PACSIN2: variants seen among roughly 807,000 people sequenced by gnomAD.
PACSIN2 encodes the protein protein kinase C and casein kinase substrate in neurons protein 2.
In PACSIN2, 25 loss-of-function variants were observed where a neutral mutation model predicts 63.8. The ratio of observed to expected loss-of-function variants is 0.39; its 90% CI spans 0.29 to 0.55. PACSIN2 has a LOEUF of 0.55. Ranked by LOEUF, PACSIN2 falls within the 20% of genes least tolerant of loss-of-function variation. The pLI, the probability that PACSIN2 is intolerant of heterozygous loss-of-function variation, is 0.62. For synonymous variants in PACSIN2, 255 were observed against 256.2 expected (o/e 1.00, Z 0.05); for missense variants, 518 against 646.9 (o/e 0.80, Z 2.16).
chr22:42,927,690 C>T (rs941914880), intron 1 of PACSIN2, among the ~76,000 whole-genome samples: 3 of 152,070 alleles, frequency 2.0e-5, no homozygotes, highest in Non-Finnish European at 2.9e-5. Context: ...CAGGTTCAAG[C>T]GATTCTCCTG....
At chr22:42,882,330 T>TTTAGAA (rs1929142098) in intron 6 of PACSIN2, 26 bp from the exon 7 acceptor site, 1 of 1,592,200 alleles carries the variant, frequency 6.3e-7, no homozygotes, top group Admixed American at 1.7e-5. Context: ...ACGTGGCTCT[T>TTTAGAA]TTAGAAGGCA....
At chr22:42,999,679 A>T (rs1390570865) in intron 1 of PACSIN2, among the ~76,000 whole-genome samples, 3 of 152,164 alleles carry the variant, frequency 2.0e-5, no homozygotes, top group African/African-American at 7.2e-5. Context: ...AAAAAAAAAA[A>T]TGCTGTCTAC....
chr22:42,913,343 G>A (rs1931585551), intron 1 of PACSIN2, among the ~76,000 whole-genome samples: 1 of 152,146 alleles, frequency 6.6e-6, no homozygotes, highest in African/African-American at 2.4e-5. Context: ...GCCAAGCGTG[G>A]TGGCATGTGC....
intron 1 of PACSIN2, among the ~76,000 whole-genome samples, chr22:42,965,740 C>G (rs919145900): frequency 2.6e-4 from 39 of 152,108 alleles, no homozygotes; most frequent in Non-Finnish European, 2.1e-4. Context: ...CCACTAGCAC[C>G]GCGATGAAAG....
chr22:43,003,143 T>C (rs1202706961), intron 1 of PACSIN2, among the ~76,000 whole-genome samples: 1 of 152,220 alleles, frequency 6.6e-6, no homozygotes, highest in South Asian at 2.1e-4. Context: ...TGGCAGGGAA[T>C]AGGTTACTTG....
At chr22:42,944,145 G>A (rs1393525038) in intron 1 of PACSIN2, among the ~76,000 whole-genome samples, 3 of 152,206 alleles carry the variant, frequency 2.0e-5, no homozygotes, top group South Asian at 4.1e-4. Context: ...CACTGAGCAG[G>A]CCTCGAGTGG....
rs767668871 is a variant in PACSIN2, at chr22:42,888,737, C to T, written c.515G>A (p.Arg172Gln). The T allele has an allele frequency of 1.9e-6, 3 of 1,613,994 alleles. No individual in the cohort carries two copies. Among genetic ancestry groups the T allele is most frequent in the East Asian group, 2.2e-5 (1 of 44,886 alleles). ...TGGGTCTGCCTTGCTGTTGGCTTCTCGTGAGATAGCCAGCTTCTCCTCTTT... is the reference window on the plus strand; with the variant it reads ...TGGGTCTGCCTTGCTGTTGGCTTCTTGTGAGATAGCCAGCTTCTCCTCTTT... ...ACKEEKLAIS[R>Q]EANSKADPSL... Residue 172 changes from arginine (R) to glutamine (Q), a missense_variant, in exon 5 of 11, where the codon CGA becomes CAA. Around this residue, in one of 2 missense-constraint regions of PACSIN2, gnomAD observed 507 missense variants for 612.3 expected, o/e 0.83. Coordinates refer to ENST00000263246, the MANE Select transcript of PACSIN2 (RefSeq NM_001184970.3).
At chr22:42,887,456 G>T (rs1359644660) in intron 5 of PACSIN2, among the ~76,000 whole-genome samples, 1 of 152,224 alleles carries the variant, frequency 6.6e-6, no homozygotes, top group African/African-American at 2.4e-5. Context: ...GGAAAGGCTG[G>T]TGGGTAGTGA....
At chr22:42,960,584 T>C (rs943251560) in intron 1 of PACSIN2, among the ~76,000 whole-genome samples, 14 of 152,052 alleles carry the variant, frequency 9.2e-5, no homozygotes, top group African/African-American at 2.7e-4. Context: ...AAGCTTTAGG[T>C]GAGGAGAGAA....
chr22:42,938,783 C>T (rs1933020692), intron 1 of PACSIN2, among the ~76,000 whole-genome samples: 2 of 152,146 alleles, frequency 1.3e-5, no homozygotes, highest in Non-Finnish European at 2.9e-5. Context: ...AAAGCAAGTG[C>T]TCAAGTAACA....
chr22:42,886,234 C>G (rs1157292660), intron 5 of PACSIN2, among the ~76,000 whole-genome samples: 15 of 152,238 alleles, frequency 9.9e-5, no homozygotes. Flanking sequence ...CCTTGCAGGG[C>G]ATAGAAAGTT....
intron 1 of PACSIN2, among the ~76,000 whole-genome samples, chr22:42,951,211 G>T (rs1933675712): frequency 6.6e-6 from 1 of 152,106 alleles, no homozygotes. Flanking sequence ...TTCTGGTAAA[G>T]GAATCCACGA....
At chr22:42,932,454 G>T (rs984416940) in intron 1 of PACSIN2, among the ~76,000 whole-genome samples, 1 of 152,118 alleles carries the variant, frequency 6.6e-6, no homozygotes, top group African/African-American at 2.4e-5. Flanking sequence ...TTCCAGAAGC[G>T]TATCTCACAT....
chr22:42,890,898 G>A (rs145653318), intron 4 of PACSIN2, 49 bp downstream of exon 4: 2,405 of 1,468,886 alleles, frequency 1.6e-3, no homozygotes, highest in Non-Finnish European at 2.1e-3. Context: ...TGCTAGTGGG[G>A]TGCCAGGCAG....
intron 1 of PACSIN2, among the ~76,000 whole-genome samples, chr22:42,950,161 C>T (rs538415700): frequency 4.9e-4 from 74 of 151,984 alleles, no homozygotes; most frequent in Admixed American, 1.3e-3. Flanking sequence ...CTAAACAATA[C>T]GGTATAACTA....
rs144996422 is a variant in PACSIN2 at position 42,991,163 on chromosome 22, G to A, written c.-78+23858C>T. Among the ~76,000 whole-genome samples the A allele has an allele frequency of 3.1e-3, 465 of 152,322 alleles. 2 individuals are homozygous for A. The highest frequency in any genetic ancestry group is 0.011 in the African/African-American group (458 of 41,570). On this transcript the variant is annotated intron_variant, in intron 1 of 10. Coordinates refer to ENST00000263246, the MANE Select transcript of PACSIN2 (RefSeq NM_001184970.3). The stretch of plus-strand genomic sequence containing the variant: ...TGGAGACTTTACCACCTCCTAGGAA[G>A]CTGCTGTACAATGGTATAGACTTGG...
intron 7 of PACSIN2, among the ~76,000 whole-genome samples, chr22:42,879,420 T>C (rs1928907235): frequency 6.6e-6 from 1 of 152,172 alleles, no homozygotes; most frequent in South Asian, 2.1e-4. Flanking sequence ...GGCTTGCACC[T>C]CTACAACCAC....
chr22:42,888,460 G>C (rs1802209379), intron 5 of PACSIN2, among the ~76,000 whole-genome samples, 183 bp downstream of exon 5: 1 of 152,188 alleles, frequency 6.6e-6, no homozygotes, highest in Non-Finnish European at 1.5e-5. Flanking sequence ...AGGTACAGTG[G>C]CTATGGTGAG....
chr22:42,907,392 C>A (rs546967009), intron 2 of PACSIN2, among the ~76,000 whole-genome samples: 2 of 152,338 alleles, frequency 1.3e-5, no homozygotes, highest in Admixed American at 1.3e-4. Context: ...TCAGCAGATA[C>A]TAGTTCAGTG....
Sources: allele counts gnomAD v4.1 joint callset (sites outside exome capture counted in the v4.1 genomes callset), GRCh38; gene constraint gnomAD v4.1.1; regional missense constraint gnomAD v4.1.1; transcripts MANE v1.5; gene names NCBI Gene and HGNC (gene_info 2026-07-23, HGNC 2026-07-21).